The following UXS1 variants were observed in gnomAD, a reference collection of about 807,000 sequenced individuals.
UXS1 encodes the protein UDP-glucuronic acid decarboxylase 1.
Under a neutral mutation model 62.6 loss-of-function variants are expected in UXS1, and 33 were observed. The ratio of observed to expected loss-of-function variants is 0.53; its 90% confidence interval spans 0.40 to 0.70. The LOEUF is 0.70. Ranked by LOEUF, UXS1 falls within the 30% of genes least tolerant of loss-of-function variation. The probability of loss-of-function intolerance (pLI) is 0.00; values close to 1 mark genes in which losing one functional copy is unlikely to be tolerated. For missense variants in UXS1, 434 were observed against 556.3 expected, an observed-to-expected ratio of 0.78 and a Z score of 2.21; for synonymous variants, 213 against 206.8, an observed-to-expected ratio of 1.03 and a Z score of -0.26.
chr2:106,103,326 T>G (rs114853594), intron 11 of UXS1, among the ~76,000 whole-genome samples: 3,959 of 152,252 alleles, frequency 0.026, 171 homozygotes, highest in African/African-American at 0.09. Context: ...AACATCTCAT[T>G]GATATTCCAT....
chr2:106,138,981 CAATGAGAGGTGCTAGGTAAACAGTAAGT>C lies in UXS1; in HGVS notation c.472+6181_472+6208del, dbSNP rs980928755. On this transcript the variant is annotated intron_variant, in intron 6 of 14. Coordinates refer to ENST00000283148, the MANE Select transcript of UXS1 (RefSeq NM_001253875.2). ...ATTCAGAGCAGGGACAAATAACCAG[CAATGAGAGGTGCTAGGTAAACAGTAAGT>C]AACATTAATAACAACCGGCTTCGGA... 7.1e-6 allele frequency: 4 copies of C among 565,672 alleles called. No homozygotes were observed. In the African/African-American group the frequency reaches 8.1e-5, roughly 12 times the overall value. 35.0% of individuals were successfully genotyped at this position (565,672 alleles called of 1,614,324 possible). A position where few individuals can be genotyped will look rare whatever the true frequency, so the allele number is the denominator to read the frequency against.
At chr2:106,160,986 G>C (rs1439298466) in intron 4 of UXS1, among the ~76,000 whole-genome samples, 1 of 152,156 alleles carries the variant, frequency 6.6e-6, no homozygotes, top group Non-Finnish European at 1.5e-5. Flanking sequence ...TGAAAAACAG[G>C]AAGGGGAGAG....
intron 6 of UXS1, chr2:106,138,072 A>T (rs375084729): frequency 9.7e-6 from 6 of 619,018 alleles, no homozygotes; most frequent in Non-Finnish European, 1.2e-5. Flanking sequence ...GTATGCAGGG[A>T]AAGACAGGAA....
intron 9 of UXS1, 128 bp from the exon 10 acceptor site, chr2:106,112,893 G>A (rs1302704841): frequency 7.1e-7 from 1 of 1,410,306 alleles, no homozygotes; most frequent in East Asian, 2.5e-5. Context: ...AATGGAAATG[G>A]CTTTTTTGTT....
At chr2:106,189,153 C>T (rs996139209) in intron 1 of UXS1, among the ~76,000 whole-genome samples, 7 of 152,052 alleles carry the variant, frequency 4.6e-5, no homozygotes, top group African/African-American at 1.7e-4. Flanking sequence ...AGAAAATCAC[C>T]AAAGAATAAT....
chr2:106,116,826 ATC>A (rs1394152019), intron 9 of UXS1, among the ~76,000 whole-genome samples: 1 of 152,188 alleles, frequency 6.6e-6, no homozygotes, highest in Non-Finnish European at 1.5e-5. Flanking sequence ...TGGAAATAGT[ATC>A]AATAAAAGCC....
At chr2:106,100,997 G>T in intron 12 of UXS1, 61 bp downstream of exon 12, 1 of 1,595,922 alleles carries the variant, frequency 6.3e-7, no homozygotes, top group Non-Finnish European at 8.6e-7. Context: ...TGCTGCTCAT[G>T]GTTTCACAAA....
At chr2:106,140,813 C>A (rs1681039989) in intron 6 of UXS1, among the ~76,000 whole-genome samples, 1 of 152,240 alleles carries the variant, frequency 6.6e-6, no homozygotes, top group Admixed American at 6.5e-5. Context: ...AGAGATACTA[C>A]AAGTTCCCGG....
chr2:106,128,259 G>T (rs1036890081), intron 7 of UXS1, among the ~76,000 whole-genome samples: 1 of 152,106 alleles, frequency 6.6e-6, no homozygotes, highest in African/African-American at 2.4e-5. Flanking sequence ...GTTCTGTCTG[G>T]TGACCAGAGC....
At chr2:106,179,963 GC>G (rs764009234) in intron 1 of UXS1, among the ~76,000 whole-genome samples, 49 of 152,096 alleles carry the variant, frequency 3.2e-4, no homozygotes, top group Non-Finnish European at 5.9e-4. Flanking sequence ...AACAAAATTA[GC>G]CGGGCATGGT....
intron 13 of UXS1, chr2:106,097,512 C>T: frequency 3.1e-6 from 1 of 326,386 alleles, no homozygotes; most frequent in Admixed American, 3.8e-5. Flanking sequence ...GATGGTCTGT[C>T]ACAAAGCTAT....
At chr2:106,179,262 C>G (rs1684093930) in intron 1 of UXS1, among the ~76,000 whole-genome samples, 1 of 152,152 alleles carries the variant, frequency 6.6e-6, no homozygotes, top group South Asian at 2.1e-4. Context: ...CCCTGAACCC[C>G]CGCTCTTGCT....
Position 106,125,728 on chromosome 2 carries a change from G to T in UXS1, c.578-49C>A, listed in dbSNP as rs1235455799. On this transcript the variant is annotated intron_variant, in intron 7 of 14. Coordinates refer to ENST00000283148, the MANE Select transcript of UXS1 (RefSeq NM_001253875.2). ...AAAGAGACTGAATTTACATGTGCAG[G>T]CACATTTTTTGCTGGCCAATTTAAG... 6 of 1,489,280 alleles carry T rather than the reference G, an allele frequency of 4.0e-6. No homozygotes were observed. In the African/African-American group the frequency reaches 5.6e-5, roughly 14 times the overall value. The allele number at this position is 1,489,280 out of a possible 1,614,324, so 92.3% of individuals were successfully genotyped here.
chr2:106,104,303 A>G (rs1199425598), intron 11 of UXS1, among the ~76,000 whole-genome samples: 2 of 152,248 alleles, frequency 1.3e-5, no homozygotes, highest in Non-Finnish European at 2.9e-5. Flanking sequence ...AGCAATAAAA[A>G]TCACCACGTG....
chr2:106,188,875 T>A (rs573802856), intron 1 of UXS1, among the ~76,000 whole-genome samples: 7 of 152,242 alleles, frequency 4.6e-5, no homozygotes, highest in East Asian at 3.9e-4. Flanking sequence ...TTTTTAAAAA[T>A]CCAGAGAATA....
At position 106,193,959 on chromosome 2, in the gene UXS1, T is replaced by C. The variant is rs539036876; in HGVS notation, c.94+189A>G. On this transcript the variant is annotated intron_variant, in intron 1 of 14. Coordinates refer to ENST00000283148, the MANE Select transcript of UXS1 (RefSeq NM_001253875.2). ...GCCCGGGCCTAAGCGGTAGGGGGTG[T>C]GCGCCCAAGTTGGCCCGCTTTGCTG... is the stretch of plus-strand genomic sequence containing the variant. Among the ~76,000 whole-genome samples, 707 of 151,862 alleles carry C rather than the reference T, an allele frequency of 4.7e-3. 8 individuals carry two copies. The highest frequency in any genetic ancestry group is 0.016 in the African/African-American group (652 of 41,444).
At chr2:106,098,055 T>C (rs1261519884) in intron 13 of UXS1, among the ~76,000 whole-genome samples, 1 of 152,216 alleles carries the variant, frequency 6.6e-6, no homozygotes, top group Non-Finnish European at 1.5e-5. Flanking sequence ...GGCATACTCC[T>C]CCTTGGCCTA....
intron 9 of UXS1, among the ~76,000 whole-genome samples, chr2:106,121,008 T>A (rs539343157): frequency 1.7e-4 from 26 of 152,290 alleles, no homozygotes; most frequent in Admixed American, 3.3e-4. Context: ...TCCCGAGACC[T>A]ATGTGAGCAG....
At chr2:106,177,630 T>C (rs573505234) in intron 1 of UXS1, among the ~76,000 whole-genome samples, 2 of 152,230 alleles carry the variant, frequency 1.3e-5, no homozygotes, top group Non-Finnish European at 2.9e-5. Flanking sequence ...TTTGAACACC[T>C]TTTTTAAGTC....
Sources: allele counts gnomAD v4.1 joint callset (sites outside exome capture counted in the v4.1 genomes callset), GRCh38; gene constraint gnomAD v4.1.1; transcripts MANE v1.5; gene names NCBI Gene and HGNC (gene_info 2026-07-23, HGNC 2026-07-21).